Variants in VEGFC observed in about 807,000 individuals in gnomAD.
VEGFC encodes the protein vascular endothelial growth factor C.
In VEGFC, 12 loss-of-function variants were observed where a neutral mutation model predicts 46.1. That is an observed-to-expected ratio of 0.26 (90% CI 0.17 to 0.42). The LOEUF (loss-of-function observed/expected upper bound fraction) is 0.42. Ranked by LOEUF, VEGFC falls within the 10% of genes least tolerant of loss-of-function variation. The pLI, the probability that VEGFC is intolerant of heterozygous loss-of-function variation, is 1.00. For synonymous variants in VEGFC, 232 were observed against 195.5 expected, an observed-to-expected ratio of 1.19 and a Z score of -1.56; for missense variants, 488 against 529.4, an observed-to-expected ratio of 0.92 and a Z score of 0.77.
At chr4:176,740,839 T>C (rs1387576578) in intron 1 of VEGFC, among the ~76,000 whole-genome samples, 1 of 151,840 alleles carries the variant, frequency 6.6e-6, no homozygotes, top group Non-Finnish European at 1.5e-5. Context: ...AACAGTTTTA[T>C]ATATGTAGAA....
chr4:176,753,302 G>C (rs187064896), intron 1 of VEGFC, among the ~76,000 whole-genome samples: 2 of 152,034 alleles, frequency 1.3e-5, no homozygotes, highest in African/African-American at 2.4e-5. Flanking sequence ...TTATGTACAG[G>C]CTTAAGAAGA....
At chr4:176,738,511 G>A (rs1735094044) in intron 1 of VEGFC, among the ~76,000 whole-genome samples, 1 of 152,052 alleles carries the variant, frequency 6.6e-6, no homozygotes, top group African/African-American at 2.4e-5. Context: ...GCAGAAAATT[G>A]AAACTTGACC....
At chr4:176,775,406 C>G (rs1735798637) in intron 1 of VEGFC, among the ~76,000 whole-genome samples, 1 of 152,124 alleles carries the variant, frequency 6.6e-6, no homozygotes. Flanking sequence ...TATAAAAGAG[C>G]TTGAGTATAT....
chr4:176,790,856 C>T (rs1012420623), intron 1 of VEGFC, among the ~76,000 whole-genome samples: 10 of 152,128 alleles, frequency 6.6e-5, no homozygotes, highest in Admixed American at 2.0e-4. Flanking sequence ...ACTATAGTTA[C>T]GGCAATGTAA....
At chr4:176,719,028 G>A (rs923269409) in intron 3 of VEGFC, among the ~76,000 whole-genome samples, 1 of 152,174 alleles carries the variant, frequency 6.6e-6, no homozygotes, top group African/African-American at 2.4e-5. Flanking sequence ...TTAGATACTT[G>A]TGTGGAGAAC....
At chr4:176,782,415 G>A (rs866151548) in intron 1 of VEGFC, among the ~76,000 whole-genome samples, 1 of 151,324 alleles carries the variant, frequency 6.6e-6, no homozygotes, top group African/African-American at 2.4e-5. Context: ...AACGAGCCAC[G>A]TTCATGCCAC....
chr4:176,717,232 G>A (rs1338799795), intron 3 of VEGFC, among the ~76,000 whole-genome samples: 1 of 151,886 alleles, frequency 6.6e-6, no homozygotes, highest in African/African-American at 2.4e-5. Context: ...GTTGGTTTTG[G>A]AGAAGATCAA....
intron 1 of VEGFC, among the ~76,000 whole-genome samples, chr4:176,735,251 T>C (rs1395250696): frequency 3.3e-5 from 5 of 151,936 alleles, no homozygotes; most frequent in Non-Finnish European, 7.4e-5. Context: ...GTTCATTATA[T>C]GACTTTAGAT....
In VEGFC at chr4:176,727,964, A is replaced by C. The variant is rs371374368; in HGVS notation, c.366T>G (p.Ile122Met). Reference sequence around the variant, plus strand: ...ATTGAGTCTTTCTCCACTCATTATCAATACCTGTCAAGTCATAGGGAAATC... The same window carrying C: ...ATTGAGTCTTTCTCCACTCATTATCCATACCTGTCAAGTCATAGGGAAATC... ...AHYNTEILKS[I>M]DNEWRKTQCM... is the part of the protein sequence containing the mutation. The change falls in exon 3 of 7, where the codon ATT becomes ATG. Residue 122 changes from isoleucine (I) to methionine (M), a missense_variant. Ile to Met is a conservative substitution (Grantham distance 10). Coordinates refer to ENST00000618562, the MANE Select transcript of VEGFC (RefSeq NM_005429.5). 6.2e-7 allele frequency: 1 copy of C among 1,603,806 alleles called. No individual in the cohort carries two copies. Among genetic ancestry groups the C allele is most frequent in the Non-Finnish European group, 8.5e-7 (1 of 1,173,736 alleles).
chr4:176,717,219 G>A (rs1031308626), intron 3 of VEGFC, among the ~76,000 whole-genome samples: 1 of 151,960 alleles, frequency 6.6e-6, no homozygotes, highest in Admixed American at 6.6e-5. Context: ...TATAATACCA[G>A]TTGTTGGTTT....
rs1579147840 is a variant in VEGFC at position 176,792,097 on chromosome 4, G to A, written c.147+68C>T. ...AGCACACACACTTTCCCCCGCGCAG[G>A]TTCTCGGGTCCGCCGCAGACCCTAA... On this transcript the variant is annotated intron_variant, in intron 1 of 6. Coordinates refer to ENST00000618562, the MANE Select transcript of VEGFC (RefSeq NM_005429.5). The surrounding 1 kb of genome is among the most constrained non-coding windows in gnomAD (Gnocchi z 6.3). 2 of 1,402,804 alleles carry A rather than the reference G, an allele frequency of 1.4e-6. No individual in the cohort carries two copies. Among genetic ancestry groups the A allele is most frequent in the South Asian group, 1.8e-5 (1 of 56,506 alleles). The allele number at this position is 1,402,804 out of a possible 1,614,324, so 86.9% of individuals were successfully genotyped here.
chr4:176,746,941 T>C (rs991363260), intron 1 of VEGFC, among the ~76,000 whole-genome samples: 1 of 152,136 alleles, frequency 6.6e-6, no homozygotes, highest in Non-Finnish European at 1.5e-5. Context: ...ATTGCTTGAG[T>C]GCTTCGATAT....
In VEGFC at chr4:176,740,066, T is replaced by A. The variant is rs1274399014; in HGVS notation, c.148-10320A>T. Among the ~76,000 whole-genome samples, 47 of 118,184 alleles carry A rather than the reference T, an allele frequency of 4.0e-4. 3 individuals carry two copies. The highest frequency in any genetic ancestry group is 1.0e-4 in the Non-Finnish European group (6 of 60,066). 77.5% of individuals were successfully genotyped at this position (118,184 alleles called of 152,430 possible). A position where few individuals can be genotyped will look rare whatever the true frequency, so the allele number is the denominator to read the frequency against. ...AACTATTCGATATATAGAATATATATAACTATATATTATATATTCTATATA... is the reference window on the plus strand; with the variant it reads ...AACTATTCGATATATAGAATATATAAAACTATATATTATATATTCTATATA... On this transcript the variant is annotated intron_variant, in intron 1 of 6. Coordinates refer to ENST00000618562, the MANE Select transcript of VEGFC (RefSeq NM_005429.5).
chr4:176,713,738 C>A (rs1210389280), intron 3 of VEGFC, among the ~76,000 whole-genome samples: 1 of 152,052 alleles, frequency 6.6e-6, no homozygotes, highest in African/African-American at 2.4e-5. Flanking sequence ...ACAGGAACAT[C>A]TATGAGGTGG....
chr4:176,716,282 A>G (rs1018633411), intron 3 of VEGFC, among the ~76,000 whole-genome samples: 2 of 152,024 alleles, frequency 1.3e-5, no homozygotes, highest in African/African-American at 4.8e-5. Context: ...CTGATCAGAA[A>G]CCTAACAATG....
At chr4:176,752,565 G>A (rs1215499230) in intron 1 of VEGFC, among the ~76,000 whole-genome samples, 2 of 152,132 alleles carry the variant, frequency 1.3e-5, no homozygotes, top group African/African-American at 4.8e-5. Context: ...ATGTCTTTGA[G>A]TGAGTCTTTA....
chr4:176,792,386 C>T lies in VEGFC; in HGVS notation c.-75G>A. 7.4e-6 allele frequency: 9 copies of T among 1,217,248 alleles called. No homozygotes were observed. Among genetic ancestry groups the T allele is most frequent in the Non-Finnish European group, 8.7e-6 (8 of 923,170 alleles). 75.4% of individuals were successfully genotyped at this position (1,217,248 alleles called of 1,614,324 possible). ...GGGGGCGCGGGCGCCCCTGCGAGGC[C>T]GCGGGCCCCTCCTGGTCCCTCTCCC... On this transcript the variant is annotated 5_prime_UTR_variant, in exon 1 of 7. Transcript: ENST00000618562. The surrounding 1 kb of genome is among the most constrained non-coding windows in gnomAD (Gnocchi z 6.3).
chr4:176,736,389 C>T (rs1216656166), intron 1 of VEGFC, among the ~76,000 whole-genome samples: 1 of 151,644 alleles, frequency 6.6e-6, no homozygotes, highest in Non-Finnish European at 1.5e-5. Context: ...AGCTTTTAGA[C>T]TTGGAATTTT....
intron 4 of VEGFC, among the ~76,000 whole-genome samples, chr4:176,697,698 C>T (rs967289657): frequency 1.1e-4 from 17 of 151,624 alleles, no homozygotes; most frequent in Admixed American, 2.0e-4. Context: ...ATGTTTATTG[C>T]GGCATTATTC....
Sources: allele counts gnomAD v4.1 joint callset (sites outside exome capture counted in the v4.1 genomes callset), GRCh38; gene constraint gnomAD v4.1.1; non-coding constraint Gnocchi (gnomAD v3.1); transcripts MANE v1.5; gene names NCBI Gene and HGNC (gene_info 2026-07-23, HGNC 2026-07-21).